Variants in ZNF546 observed in about 807,000 individuals in gnomAD.
The protein encoded by ZNF546 is zinc finger protein 546.
In ZNF546, 60 loss-of-function variants were observed where a neutral mutation model predicts 76.2. The ratio of observed to expected loss-of-function variants is 0.79; its 90% CI spans 0.64 to 0.98. The LOEUF is 0.98. Among genes scored for constraint, ZNF546 ranks in the 50% least tolerant of loss-of-function variants. ZNF546 has a pLI of 0.00. For missense variants in ZNF546, 936 were observed against 1,035.6 expected (o/e 0.90, Z 1.32); for synonymous variants, 277 against 328.1 (o/e 0.84, Z 1.68).
rs1971749746 is a variant in ZNF546, at chr19:40,015,428, CCAT to C, written c.2159_2161del (p.Pro720_Tyr721delinsHis). 6.2e-7 allele frequency: 1 copy of C among 1,614,028 alleles called. No individual in the cohort carries two copies. The highest frequency in any genetic ancestry group is 1.7e-5 in the Admixed American group (1 of 60,006). ...TCAAAGAATTCACACTGGTGAGCTT[CCAT>C]ATGAATGTAAGGAATGTGGAAAGAC... On this transcript the variant is annotated inframe_deletion, in exon 7 of 7. Coordinates refer to ENST00000347077, the MANE Select transcript of ZNF546 (RefSeq NM_178544.5).
rs1329411505 is a variant in ZNF546, at chr19:40,017,965, A to ATTTT, written c.*2184_*2185insTTTT. On this transcript the variant is annotated 3_prime_UTR_variant, in exon 7 of 7. Transcript: ENST00000347077. ...CCCCCACAACTTTATTGCAACATTG[A>ATTTT]CTTTTTTTTTTTTTTTTTTTTTTTT... is the stretch of plus-strand genomic sequence containing the variant. 1 of 82,664 alleles carries ATTTT rather than the reference A, an allele frequency of 1.2e-5. No homozygotes were observed. Among genetic ancestry groups the ATTTT allele is most frequent in the African/African-American group, 5.1e-5 (1 of 19,618 alleles). 5.1% of individuals were successfully genotyped at this position (82,664 alleles called of 1,614,324 possible). A position where few individuals can be genotyped will look rare whatever the true frequency, so the allele number is the denominator to read the frequency against.
At chr19:40,004,011 C>CA (rs1274197406) in intron 3 of ZNF546, among the ~76,000 whole-genome samples, 4,544 of 120,002 alleles carry the variant, frequency 0.038, 157 homozygotes, top group African/African-American at 0.13. Flanking sequence ...GACTCTATCT[C>CA]AAAAAAATAT....
At chr19:40,002,465 A>C (rs1971541697) in intron 3 of ZNF546, among the ~76,000 whole-genome samples, 1 of 152,248 alleles carries the variant, frequency 6.6e-6, no homozygotes, top group African/African-American at 2.4e-5. Flanking sequence ...GTTACTGTAC[A>C]GCAGAGAGTC....
rs943923368 is a variant in ZNF546, at chr19:40,018,592, T to C, written c.*2811T>C. ...AGCTCATGGTCCTTCCTTTTGAATC[T>C]GGCCAGGTGGGCCTGTGTTTATGGC... On this transcript the variant is annotated 3_prime_UTR_variant, in exon 7 of 7. Coordinates refer to ENST00000347077, the MANE Select transcript of ZNF546 (RefSeq NM_178544.5). 6.6e-6 allele frequency: 1 copy of C among 152,272 alleles called. No homozygotes were observed. The highest frequency in any genetic ancestry group is 1.5e-5 in the Non-Finnish European group (1 of 68,052). 9.4% of individuals were successfully genotyped at this position (152,272 alleles called of 1,614,324 possible).
At position 40,015,256 on chromosome 19, in the gene ZNF546, G is replaced by A. The variant is rs1327041698; in HGVS notation, c.1986G>A (p.Glu662=). 1 of 1,613,720 alleles carries A rather than the reference G, an allele frequency of 6.2e-7. No individual in the cohort carries two copies. Among genetic ancestry groups the A allele is most frequent in the Non-Finnish European group, 8.5e-7 (1 of 1,179,908 alleles). ...LTQHHRIHTG[E]KPYECTECGK... ...AACATCACAGAATTCATACTGGTGAGAAACCCTACGAATGTACGGAATGTG... is the reference window on the plus strand; with the variant it reads ...AACATCACAGAATTCATACTGGTGAAAAACCCTACGAATGTACGGAATGTG... Residue 662 remains glutamate, a synonymous_variant, in exon 7 of 7, where the codon GAG becomes GAA. Coordinates refer to ENST00000347077, the MANE Select transcript of ZNF546 (RefSeq NM_178544.5).
Position 40,014,542 on chromosome 19 carries a change from T to C in ZNF546, c.1272T>C (p.Phe424=). The change falls in exon 7 of 7, where the codon TTT becomes TTC. Residue 424 remains phenylalanine (F), a synonymous_variant. Coordinates refer to ENST00000347077, the MANE Select transcript of ZNF546 (RefSeq NM_178544.5). ...AAGAATGTGGTAAGTCCTTTAGTTTTCATGCAGAACTTGCTCGACATCGTA... is the reference window on the plus strand; with the variant it reads ...AAGAATGTGGTAAGTCCTTTAGTTTCCATGCAGAACTTGCTCGACATCGTA... The part of the protein sequence containing the change: ...ECKECGKSFS[F]HAELARHRRI... 6.2e-7 allele frequency: 1 copy of C among 1,614,128 alleles called. No homozygotes were observed. The highest frequency in any genetic ancestry group is 1.3e-5 in the African/African-American group (1 of 75,052).
At chr19:40,011,162 G>A (rs920563501) in intron 6 of ZNF546, 2 of 151,894 alleles carry the variant, frequency 1.3e-5, no homozygotes, top group Non-Finnish European at 2.9e-5. Context: ...CTTATGGATT[G>A]TCCTTTCAGT....
chr19:40,007,324 G>C lies in ZNF546; in HGVS notation c.222G>C (p.Trp74Cys). The C allele has an allele frequency of 6.2e-7, 1 of 1,606,550 alleles. No homozygotes were observed. Among genetic ancestry groups the C allele is most frequent in the Non-Finnish European group, 8.5e-7 (1 of 1,175,590 alleles). The change falls in exon 5 of 7, where the codon TGG (tryptophan) becomes TGC (cysteine). Residue 74 changes from tryptophan (W) to cysteine (C), a missense_variant. Coordinates refer to ENST00000347077, the MANE Select transcript of ZNF546 (RefSeq NM_178544.5). Reference sequence around the variant, plus strand: ...CCATAGACCTCTCCCAAGAGGAGTGGGAGTGCCTGGACGCTGTGCAGAGGG... The same window carrying C: ...CCATAGACCTCTCCCAAGAGGAGTGCGAGTGCCTGGACGCTGTGCAGAGGG... ...DVSIDLSQEE[W>C]ECLDAVQRDL...
intron 3 of ZNF546, chr19:39,999,959 C>T (rs991823359): frequency 6.6e-6 from 1 of 152,174 alleles, no homozygotes; most frequent in Non-Finnish European, 1.5e-5. Context: ...TTTCTTCCTG[C>T]AGAATAGAAA....
rs922859930 is a variant in ZNF546 at position 40,020,511 on chromosome 19, C to T, written c.*4730C>T. On this transcript the variant is annotated 3_prime_UTR_variant, in exon 7 of 7. Transcript: ENST00000347077. ...TAACACAACATATCTAAAAGAACAT[C>T]TCTGGGAACAGTAGTACTTAATGGC... 3.3e-5 allele frequency: 5 copies of T among 152,284 alleles called. No homozygotes were observed. The East Asian group carries it at 9.6e-4, about 29-fold the overall frequency. The allele number at this position is 152,284 out of a possible 1,614,324, so 9.4% of individuals were successfully genotyped here. A position where few individuals can be genotyped will look rare whatever the true frequency, so the allele number is the denominator to read the frequency against.
At chr19:40,009,329 G>A (rs1971643253) in intron 6 of ZNF546, among the ~76,000 whole-genome samples, 1 of 152,156 alleles carries the variant, frequency 6.6e-6, no homozygotes, top group Non-Finnish European at 1.5e-5. Context: ...AATTGTTTTT[G>A]TGTTCAGATG....
intron 2 of ZNF546, 50 bp from the exon 3 acceptor site, chr19:39,998,198 T>A: frequency 1.5e-6 from 1 of 672,930 alleles, no homozygotes; most frequent in Non-Finnish European, 2.6e-6. Context: ...CTCTGGTCTA[T>A]ATCTTTAAGT....
At chr19:40,010,180 A>C (rs1971654126) in intron 6 of ZNF546, among the ~76,000 whole-genome samples, 1 of 152,158 alleles carries the variant, frequency 6.6e-6, no homozygotes, top group African/African-American at 2.4e-5. Context: ...AGACAGGTGG[A>C]TCACTGGAGG....
At chr19:40,004,476 C>T (rs946538253) in intron 3 of ZNF546, among the ~76,000 whole-genome samples, 2 of 152,020 alleles carry the variant, frequency 1.3e-5, no homozygotes, top group African/African-American at 4.8e-5. Flanking sequence ...GCCATGTTCG[C>T]CAGGCTGGTC....
At chr19:40,003,184 T>C (rs1971553690) in intron 3 of ZNF546, among the ~76,000 whole-genome samples, 1 of 151,844 alleles carries the variant, frequency 6.6e-6, no homozygotes, top group African/African-American at 2.4e-5. Flanking sequence ...TACAGGCGCC[T>C]GCCACCACGC....
At chr19:40,007,465 A>C in intron 5 of ZNF546, 65 bp downstream of exon 5, 1 of 1,426,180 alleles carries the variant, frequency 7.0e-7, no homozygotes, top group South Asian at 1.7e-5. Flanking sequence ...CCACTGTCAA[A>C]CTTTAGAACT....
At chr19:40,004,109 T>A (rs1283213727) in intron 3 of ZNF546, among the ~76,000 whole-genome samples, 3 of 140,212 alleles carry the variant, frequency 2.1e-5, no homozygotes, top group Admixed American at 7.0e-5. Flanking sequence ...AAATATATAT[T>A]ATATATATAA....
Position 40,015,170 on chromosome 19 carries a change from G to A in ZNF546, c.1900G>A (p.Glu634Lys). The stretch of plus-strand genomic sequence containing the variant: ...TCAGCATCACAGAATTCATACTGGT[G>A]AAAAACCCTATAAATGTACAGAATG... ...LTQHHRIHTG[E>K]KPYKCTECGK... The change falls in exon 7 of 7, where the codon GAA becomes AAA. Residue 634 changes from glutamate (E) to lysine (K), a missense_variant. By Grantham distance (56) the Glu-to-Lys change is moderately conservative. Coordinates refer to ENST00000347077, the MANE Select transcript of ZNF546 (RefSeq NM_178544.5). 6.2e-7 allele frequency: 1 copy of A among 1,614,006 alleles called. No homozygotes were observed. Among genetic ancestry groups the A allele is most frequent in the Non-Finnish European group, 8.5e-7 (1 of 1,180,012 alleles).
chr19:40,001,388 A>C (rs970195088), intron 3 of ZNF546, among the ~76,000 whole-genome samples: 2 of 150,830 alleles, frequency 1.3e-5, no homozygotes, highest in Admixed American at 6.6e-5. Context: ...TTTTAAATGA[A>C]GTCTCACTCT....
Sources: allele counts gnomAD v4.1 joint callset (sites outside exome capture counted in the v4.1 genomes callset), GRCh38; gene constraint gnomAD v4.1.1; transcripts MANE v1.5; gene names NCBI Gene and HGNC (gene_info 2026-07-23, HGNC 2026-07-21).